The following DLGAP2 variants were observed in gnomAD, a reference collection of about 807,000 sequenced individuals.
DLGAP2 encodes the protein disks large-associated protein 2.
A neutral mutation model predicts 100.3 loss-of-function variants in DLGAP2; 26 were observed. The observed-to-expected ratio is 0.26, with a 90% confidence interval of 0.19 to 0.36. The LOEUF is 0.36. DLGAP2 is among the 10% of genes least tolerant of loss of function. The pLI is 1.00. For missense variants in DLGAP2, 1,858 were observed against 1,453.2 expected (o/e 1.28, Z -4.53); for synonymous variants, 886 against 630.1 (o/e 1.41, Z -6.08).
intron 1 of DLGAP2, among the ~76,000 whole-genome samples, chr8:831,052 T>C (rs1185090837): frequency 3.3e-5 from 5 of 151,958 alleles, no homozygotes; most frequent in African/African-American, 4.8e-5. Flanking sequence ...TGGGCCACCA[T>C]ACCTGGCTAA....
At chr8:1,617,231 G>A (rs1413520466) in intron 6 of DLGAP2, among the ~76,000 whole-genome samples, 1 of 152,180 alleles carries the variant, frequency 6.6e-6, no homozygotes, top group African/African-American at 2.4e-5. Context: ...CTCTTCCTTT[G>A]TGTGTATACA....
chr8:1,009,020 C>T (rs1433341420), intron 2 of DLGAP2, among the ~76,000 whole-genome samples: 2 of 152,218 alleles, frequency 1.3e-5, no homozygotes, highest in Non-Finnish European at 2.9e-5. Context: ...GTACCCCTTC[C>T]CACCCATGGG....
intron 2 of DLGAP2, among the ~76,000 whole-genome samples, chr8:972,040 A>C (rs1270366443): frequency 6.6e-6 from 1 of 152,196 alleles, no homozygotes; most frequent in Non-Finnish European, 1.5e-5. Flanking sequence ...TGCTAGATTC[A>C]GGTCCTATTT....
intron 3 of DLGAP2, among the ~76,000 whole-genome samples, chr8:1,453,104 G>C (rs191308827): frequency 1.2e-3 from 190 of 152,216 alleles, no homozygotes; most frequent in Non-Finnish European, 2.2e-3. Flanking sequence ...TTGTAGAGGA[G>C]ACTGCTCGGG....
At chr8:1,006,137 C>G (rs563935667) in intron 2 of DLGAP2, among the ~76,000 whole-genome samples, 2 of 152,004 alleles carry the variant, frequency 1.3e-5, no homozygotes, top group Non-Finnish European at 2.9e-5. Flanking sequence ...TGCAGTGAGC[C>G]GAGATCGCAC....
chr8:1,561,633 T>A (rs1358932049), intron 5 of DLGAP2, among the ~76,000 whole-genome samples: 2 of 152,204 alleles, frequency 1.3e-5, no homozygotes, highest in African/African-American at 4.8e-5. Context: ...ACAGCTGTGA[T>A]CCACCTGCAC....
chr8:1,505,124 AGT>A lies in DLGAP2; in HGVS notation c.172+3696_172+3697del, dbSNP rs529946931. Among the ~76,000 whole-genome samples, 652 of 152,308 alleles carry A rather than the reference AGT, an allele frequency of 4.3e-3. 4 individuals are homozygous for A. The highest frequency in any genetic ancestry group is 0.015 in the African/African-American group (620 of 41,560). On this transcript the variant is annotated intron_variant, in intron 4 of 14. Coordinates refer to ENST00000637795, the MANE Select transcript of DLGAP2 (RefSeq NM_001346810.2). ...TTTAGACATTTGTTTTTCCAAATTG[AGT>A]GTTCCAATCTCCTCATCTTTAAATT...
intron 4 of DLGAP2, among the ~76,000 whole-genome samples, chr8:1,514,991 T>TGACGTGGAGGGAGACC (rs1800311342): frequency 1.3e-5 from 2 of 150,706 alleles, no homozygotes; most frequent in Admixed American, 6.6e-5. Flanking sequence ...GTAGAGAGAC[T>TGACGTGGAGGGAGACC]GACGTGGAGG....
intron 3 of DLGAP2, among the ~76,000 whole-genome samples, chr8:1,284,119 G>A (rs1013134974): frequency 4.6e-5 from 7 of 152,216 alleles, no homozygotes; most frequent in African/African-American, 1.7e-4. Flanking sequence ...AGGAAAGTGA[G>A]ACACCTCAGA....
chr8:1,275,091 A>C (rs149907534), intron 3 of DLGAP2, among the ~76,000 whole-genome samples: 2,874 of 152,274 alleles, frequency 0.019, 39 homozygotes, highest in South Asian at 0.061. Flanking sequence ...AGGATCCCTG[A>C]GGACCTGCAA....
intron 3 of DLGAP2, among the ~76,000 whole-genome samples, chr8:1,283,888 A>G (rs528618135): frequency 6.6e-5 from 10 of 152,332 alleles, no homozygotes; most frequent in Non-Finnish European, 1.2e-4. Context: ...TAGCCCTTCA[A>G]TGTGTTGTTT....
intron 3 of DLGAP2, among the ~76,000 whole-genome samples, chr8:1,381,782 AG>A (rs1489530212): frequency 1.6e-4 from 23 of 141,790 alleles, no homozygotes; most frequent in African/African-American, 5.8e-4. Flanking sequence ...GGGTTATTCT[AG>A]TGTGTGTGTG....
chr8:1,233,013 GA>G (rs2116837610), intron 2 of DLGAP2, among the ~76,000 whole-genome samples: 2 of 152,282 alleles, frequency 1.3e-5, no homozygotes, highest in African/African-American at 4.8e-5. Context: ...CATTTCATAG[GA>G]ATAGAACCAT....
intron 3 of DLGAP2, among the ~76,000 whole-genome samples, chr8:1,358,044 G>C (rs894363495): frequency 6.6e-6 from 1 of 152,188 alleles, no homozygotes; most frequent in Non-Finnish European, 1.5e-5. Flanking sequence ...ACAGCTGGCA[G>C]GTGCTCCAGG....
At chr8:1,228,808 C>G (rs1438513064) in intron 2 of DLGAP2, among the ~76,000 whole-genome samples, 2 of 152,202 alleles carry the variant, frequency 1.3e-5, no homozygotes, top group South Asian at 4.1e-4. Flanking sequence ...TACGAACAAC[C>G]TATAGTTAAC....
intron 1 of DLGAP2, among the ~76,000 whole-genome samples, chr8:889,666 C>T (rs376316156): frequency 6.6e-6 from 1 of 152,160 alleles, no homozygotes; most frequent in Admixed American, 6.5e-5. Flanking sequence ...CAGCCTGGAG[C>T]TATAGAAATG....
intron 2 of DLGAP2, among the ~76,000 whole-genome samples, chr8:1,041,887 C>A (rs564861746): frequency 1.3e-5 from 2 of 152,302 alleles, no homozygotes; most frequent in East Asian, 1.9e-4. Flanking sequence ...TCTCACCATG[C>A]GGAAGAATGT....
intron 6 of DLGAP2, among the ~76,000 whole-genome samples, chr8:1,614,498 G>T (rs183005013): frequency 6.6e-5 from 10 of 152,294 alleles, no homozygotes; most frequent in Admixed American, 5.9e-4. Flanking sequence ...CTTGGACCCC[G>T]CTTTGTGTTG....
At chr8:1,142,796 G>T (rs922845935) in intron 2 of DLGAP2, among the ~76,000 whole-genome samples, 2 of 152,160 alleles carry the variant, frequency 1.3e-5, no homozygotes, top group Non-Finnish European at 1.5e-5. Flanking sequence ...GGATTGAAAA[G>T]CAAGGAAAGC....
Sources: gnomAD v4.1 joint callset for allele counts (sites outside exome capture counted in the v4.1 genomes callset) on GRCh38, gnomAD v4.1.1 for gene constraint, MANE v1.5 for transcripts, NCBI Gene and HGNC (gene_info 2026-07-23, HGNC 2026-07-21) for gene names.